Variants in GNAS observed in about 807,000 individuals in gnomAD.
The protein encoded by GNAS is GNAS complex locus.
Under a neutral mutation model 54.5 loss-of-function variants are expected in GNAS, and 8 were observed. That is an observed-to-expected ratio of 0.15 (90% CI 0.09 to 0.26). GNAS has a LOEUF of 0.26. GNAS is among the 10% of genes least tolerant of loss of function. GNAS has a pLI of 1.00. For synonymous variants in GNAS, 204 were observed against 191.4 expected, an observed-to-expected ratio of 1.07 and a Z score of -0.54; for missense variants, 170 against 529.8, an observed-to-expected ratio of 0.32 and a Z score of 6.67.
chr20:58,841,675 A>C lies in GNAS; in HGVS notation c.43+789A>C. The C allele has an allele frequency of 1.7e-5, 20 of 1,157,748 alleles. No homozygotes were observed. The highest frequency in any genetic ancestry group is 3.5e-4 in the Middle Eastern group (1 of 2,840). 71.7% of individuals were successfully genotyped at this position (1,157,748 alleles called of 1,614,324 possible). On this transcript the variant is annotated intron_variant, in intron 1 of 12. Coordinates refer to the GNAS transcript ENST00000306090. This position sits in a 1 kb window ranked among gnomAD's most constrained non-coding sequence, Gnocchi z 5.0. ...CGGTTAGGGGAAAGTACCTGGGGGA[A>C]AGGTAGAGGAGGTAAGGGGACCCTT... is the stretch of plus-strand genomic sequence containing the variant.
rs557127211 is a variant in GNAS, at chr20:58,841,954, C to A, written c.43+1068C>A. ...TAACTTACAATTCGTTTCCAAAGAG[C>A]GCGGTACGCGCAGAGCTGGGGAAAG... On this transcript the variant is annotated intron_variant, in intron 1 of 12. Transcript: ENST00000306090. This position sits in a 1 kb window ranked among gnomAD's most constrained non-coding sequence, Gnocchi z 5.0. The A allele has an allele frequency of 2.6e-6, 3 of 1,138,020 alleles. No homozygotes were observed. The highest frequency in any genetic ancestry group is 3.3e-6 in the Non-Finnish European group (3 of 902,414). 70.5% of individuals were successfully genotyped at this position (1,138,020 alleles called of 1,614,324 possible).
At position 58,909,935 on chromosome 20, in the gene GNAS, GCCTC is replaced by G. The variant is rs2091328309; in HGVS notation, c.840-12_840-9del. On this transcript the variant is annotated splice_polypyrimidine_tract_variant and intron_variant, in intron 10 of 12. Coordinates refer to ENST00000371085, the MANE Select transcript of GNAS (RefSeq NM_000516.7). The surrounding 1 kb of genome is among the most constrained non-coding windows in gnomAD (Gnocchi z 7.3). The stretch of plus-strand genomic sequence containing the variant: ...CGCGCTTCTCCCAAGCATTCACACG[GCCTC>G]CCTTCTTGTAGATGGCTGCGCACCA... 1.9e-6 allele frequency: 3 copies of G among 1,614,014 alleles called. No individual in the cohort carries two copies. The East Asian group carries it at 6.7e-5, about 36-fold the overall frequency.
intron 1 of GNAS, chr20:58,855,006 T>A: frequency 6.2e-7 from 1 of 1,612,610 alleles, no homozygotes; most frequent in South Asian, 1.1e-5. Context: ...CGGAGACGAG[T>A]CCGACGATGG....
At chr20:58,849,190 A>G (rs1201800260) in intron 1 of GNAS, among the ~76,000 whole-genome samples, 1 of 152,136 alleles carries the variant, frequency 6.6e-6, no homozygotes, top group Non-Finnish European at 1.5e-5. Context: ...TCAACATCCT[A>G]CAATGCACAG....
At chr20:58,868,987 C>T (rs1222266724) in intron 1 of GNAS, among the ~76,000 whole-genome samples, 1 of 152,218 alleles carries the variant, frequency 6.6e-6, no homozygotes, top group Non-Finnish European at 1.5e-5. Context: ...TCCCTAAATC[C>T]TCCTTCCCAA....
At position 58,909,847 on chromosome 20, in the gene GNAS, C is replaced by T; in HGVS notation, c.839+43C>T. ...CCACCCCCTGCGCTTGCCCAGGAGG[C>T]CCTGGTCTGCACTGTTTATAGAGAA... On this transcript the variant is annotated intron_variant, in intron 10 of 12. Transcript: ENST00000371085. This position sits in a 1 kb window ranked among gnomAD's most constrained non-coding sequence, Gnocchi z 7.3. 1 of 1,612,124 alleles carries T rather than the reference C, an allele frequency of 6.2e-7. No individual in the cohort carries two copies. Among genetic ancestry groups the T allele is most frequent in the Non-Finnish European group, 8.5e-7 (1 of 1,179,250 alleles).
chr20:58,902,047 A>G (rs2090656343), intron 3 of GNAS, among the ~76,000 whole-genome samples: 1 of 151,688 alleles, frequency 6.6e-6, no homozygotes, highest in Non-Finnish European at 1.5e-5. Context: ...AAAAGATTAA[A>G]AAATATATAT....
chr20:58,909,531 G>A lies in GNAS; in HGVS notation c.670G>A (p.Val224Met), dbSNP rs761439049. 4.3e-6 allele frequency: 7 copies of A among 1,614,168 alleles called. No individual in the cohort carries two copies. Among genetic ancestry groups the A allele is most frequent in the African/African-American group, 1.3e-5 (1 of 75,030 alleles). The change falls in exon 9 of 13, where the codon GTG becomes ATG. Residue 224 changes from valine (V) to methionine (M), a missense_variant. Physicochemically the swap from Val to Met is conservative, Grantham distance 21 (BLOSUM62 1). Coordinates refer to ENST00000371085, the MANE Select transcript of GNAS (RefSeq NM_000516.7). The surrounding 1 kb of genome is among the most constrained non-coding windows in gnomAD (Gnocchi z 7.3). Reference sequence around the variant, plus strand: ...CCTCCTCCCCACCAGCATGTTTGACGTGGGTGGCCAGCGCGATGAACGCCG... The same window carrying A: ...CCTCCTCCCCACCAGCATGTTTGACATGGGTGGCCAGCGCGATGAACGCCG... The part of the protein sequence containing the change: ...VDKVNFHMFD[V>M]GGQRDERRKW...
Position 58,909,114 on chromosome 20 carries a change from T to C in GNAS, c.531-48T>C. ...TAGAGAGACACAAATAGTTGGCAAA[T>C]TGATGTGAGCGCTGTGAACACCCCA... On this transcript the variant is annotated intron_variant, in intron 6 of 12. Coordinates refer to ENST00000371085, the MANE Select transcript of GNAS (RefSeq NM_000516.7). This position sits in a 1 kb window ranked among gnomAD's most constrained non-coding sequence, Gnocchi z 7.3. 7 of 1,528,394 alleles carry C rather than the reference T, an allele frequency of 4.6e-6. No homozygotes were observed. The highest frequency in any genetic ancestry group is 5.4e-6 in the Non-Finnish European group (6 of 1,101,930). 94.7% of individuals were successfully genotyped at this position (1,528,394 alleles called of 1,614,324 possible).
At chr20:58,895,810 A>G (rs767422823) in intron 2 of GNAS, 126 bp downstream of exon 2, 11 of 703,734 alleles carry the variant, frequency 1.6e-5, no homozygotes, top group Admixed American at 2.1e-5. Flanking sequence ...CCTGATTTAC[A>G]TATTAGAAAA....
intron 3 of GNAS, chr20:58,899,565 G>A: frequency 3.7e-6 from 2 of 536,670 alleles, no homozygotes; most frequent in Admixed American, 5.0e-5. Context: ...TAGCTTGGTG[G>A]ATAAGGAAAT....
intron 1 of GNAS, among the ~76,000 whole-genome samples, chr20:58,867,198 A>T (rs1167814708): frequency 6.6e-6 from 1 of 152,278 alleles, no homozygotes; most frequent in East Asian, 1.9e-4. Context: ...GACTCAGGGC[A>T]GAACCCAAAA....
intron 1 of GNAS, chr20:58,842,541 C>A: frequency 2.5e-6 from 1 of 398,612 alleles, no homozygotes; most frequent in South Asian, 1.3e-4. Flanking sequence ...CTTTTGTGGT[C>A]TTCCCTAGTA....
At chr20:58,883,994 ATG>A (rs1163103895) in intron 1 of GNAS, among the ~76,000 whole-genome samples, 1 of 152,270 alleles carries the variant, frequency 6.6e-6, no homozygotes, top group Non-Finnish European at 1.5e-5. Context: ...GATGAATTAA[ATG>A]TGTGACTAAT....
chr20:58,899,212 G>C (rs1235425287), intron 3 of GNAS, among the ~76,000 whole-genome samples: 1 of 152,224 alleles, frequency 6.6e-6, no homozygotes, highest in African/African-American at 2.4e-5. Context: ...ATGAGATCCA[G>C]CTGGGGGAAA....
In GNAS at chr20:58,905,370, T is replaced by A. The variant is rs1414389290; in HGVS notation, c.433-13T>A. Reference sequence around the variant, plus strand: ...TCTTGCCTTTCTCTAAACTTTCTTGTGTTCACTTTCAGGAATTCTATGAGC... The same window carrying A: ...TCTTGCCTTTCTCTAAACTTTCTTGAGTTCACTTTCAGGAATTCTATGAGC... On this transcript the variant is annotated splice_polypyrimidine_tract_variant and intron_variant, in intron 5 of 12. Coordinates refer to ENST00000371085, the MANE Select transcript of GNAS (RefSeq NM_000516.7). 6.8e-7 allele frequency: 1 copy of A among 1,476,378 alleles called. No individual in the cohort carries two copies. The highest frequency in any genetic ancestry group is 1.1e-5 in the South Asian group (1 of 88,368). 91.5% of individuals were successfully genotyped at this position (1,476,378 alleles called of 1,614,324 possible).
Position 58,898,958 on chromosome 20 carries a change from C to T in GNAS, c.230C>T (p.Pro77Leu), listed in dbSNP as rs140388147. The change falls in exon 3 of 13, where the codon CCG becomes CTG. Residue 77 changes from proline to leucine, a missense_variant. Physicochemically the swap from Pro to Leu is moderately conservative, Grantham distance 98. Transcript: ENST00000371085. ...TTTAAAAGGGGCGGCGAAGAGGACC[C>T]GCAGGCTGCAAGGAGCAACAGCGAT... Reference protein sequence around the residue: ...GFNGEGGEEDPQAARSNSDGE... With the variant: ...GFNGEGGEEDLQAARSNSDGE... 96 of 1,613,752 alleles carry T rather than the reference C, an allele frequency of 5.9e-5. No individual in the cohort carries two copies. The highest frequency in any genetic ancestry group is 7.8e-5 in the Non-Finnish European group (92 of 1,179,816).
At chr20:58,889,994 C>G (rs939974641), upstream of GNAS, among the ~76,000 whole-genome samples, 5 of 151,318 alleles carry the variant, frequency 3.3e-5, no homozygotes, top group East Asian at 9.7e-4. Flanking sequence ...CGGCGTTGGC[C>G]GAGCCGAGAG....
At position 58,840,984 on chromosome 20, in the gene GNAS, G is replaced by A; in HGVS notation, c.43+98G>A. The A allele has an allele frequency of 7.7e-7, 1 of 1,305,506 alleles. No individual in the cohort carries two copies. The highest frequency in any genetic ancestry group is 1.1e-6 in the Non-Finnish European group (1 of 928,034). 80.9% of individuals were successfully genotyped at this position (1,305,506 alleles called of 1,614,324 possible). The stretch of plus-strand genomic sequence containing the variant: ...AGGAAAGGCAGGTCAGGGGCGAGTG[G>A]GAAGAGAGGAGGCTCAGCTGGTCAG... On this transcript the variant is annotated intron_variant, in intron 1 of 12. Transcript: ENST00000306090. This position sits in a 1 kb window ranked among gnomAD's most constrained non-coding sequence, Gnocchi z 6.0.
Sources: allele counts gnomAD v4.1 joint callset (sites outside exome capture counted in the v4.1 genomes callset), GRCh38; gene constraint gnomAD v4.1.1; non-coding constraint Gnocchi (gnomAD v3.1); transcripts MANE v1.5; gene names NCBI Gene and HGNC (gene_info 2026-07-23, HGNC 2026-07-21).